The following TACR1 variants were observed in gnomAD, a reference collection of about 807,000 sequenced individuals.
TACR1 encodes the protein tachykinin receptor 1, also known as substance-P receptor.
In TACR1, 25 loss-of-function variants were observed where a neutral mutation model predicts 35.8. The ratio of observed to expected loss-of-function variants is 0.70; its 90% CI spans 0.51 to 0.98. The LOEUF (loss-of-function observed/expected upper bound fraction) is 0.98. Among genes scored for constraint, TACR1 ranks in the 50% least tolerant of loss-of-function variants. The pLI is 0.00. For missense variants in TACR1, 478 were observed against 522.9 expected (o/e 0.91, Z 0.84); for synonymous variants, 195 against 206.7 (o/e 0.94, Z 0.48).
rs1558554405 is a variant in TACR1 at position 75,105,127 on chromosome 2, A to G, written c.584+15447T>C. 2.6e-5 allele frequency among the ~76,000 whole-genome samples: 4 copies of G among 152,272 alleles called. No individual in the cohort carries two copies. The South Asian group carries it at 8.3e-4, about 32-fold the overall frequency. On this transcript the variant is annotated intron_variant, in intron 2 of 4. Coordinates refer to ENST00000305249, the MANE Select transcript of TACR1 (RefSeq NM_001058.4). ...ATTATTCACAATAACCAAGATATAG[A>G]ATCAACCTGTGTTCCTCAATGGATT...
chr2:75,061,172 G>A (rs1672665209), intron 2 of TACR1, among the ~76,000 whole-genome samples: 1 of 151,870 alleles, frequency 6.6e-6, no homozygotes, highest in Non-Finnish European at 1.5e-5. Context: ...CTTGCGGTTG[G>A]GGGCAATTCC....
intron 1 of TACR1, among the ~76,000 whole-genome samples, chr2:75,141,735 T>C (rs1271760194): frequency 3.3e-5 from 5 of 152,226 alleles, no homozygotes; most frequent in Non-Finnish European, 2.9e-5. Context: ...AAAGGACTTA[T>C]ATGTGCTCAA....
intron 2 of TACR1, among the ~76,000 whole-genome samples, chr2:75,101,994 T>C (rs532551285): frequency 9.9e-5 from 15 of 152,178 alleles, no homozygotes; most frequent in African/African-American, 3.6e-4. Context: ...AGACATGCCA[T>C]ATGGGTTGCT....
intron 1 of TACR1, among the ~76,000 whole-genome samples, chr2:75,136,654 C>T (rs1293801042): frequency 6.6e-6 from 1 of 152,172 alleles, no homozygotes; most frequent in Admixed American, 6.5e-5. Flanking sequence ...AGTCCCCTTA[C>T]TCTCATCAAA....
chr2:75,086,884 A>G (rs1182449583), intron 2 of TACR1, among the ~76,000 whole-genome samples: 1 of 152,144 alleles, frequency 6.6e-6, no homozygotes, highest in Non-Finnish European at 1.5e-5. Context: ...AGTCATTGTC[A>G]ATGTGACAAT....
At position 75,049,545 on chromosome 2, in the gene TACR1, C is replaced by T; in HGVS notation, c.1111G>A (p.Asp371Asn). Residue 371 changes from aspartate (D) to asparagine (N), a missense_variant, in exon 5 of 5, where the codon GAC (aspartate) becomes AAC (asparagine). Physicochemically the swap from Asp to Asn is conservative, Grantham distance 23. Transcript: ENST00000305249. ...GACGAGGGTGTGGCCTTGGGGCCGT[C>T]CTCTGGCTCCTCCTCGTGGGCCCCC... ...VVGAHEEEPE[D>N]GPKATPSSLD... 1.2e-6 allele frequency: 2 copies of T among 1,614,214 alleles called. No homozygotes were observed. The highest frequency in any genetic ancestry group is 1.7e-6 in the Non-Finnish European group (2 of 1,180,006).
intron 1 of TACR1, among the ~76,000 whole-genome samples, chr2:75,127,005 G>T (rs948930024): frequency 1.3e-5 from 2 of 152,192 alleles, no homozygotes; most frequent in Non-Finnish European, 2.9e-5. Flanking sequence ...TGCTGGTGAG[G>T]TTGTGGAGAA....
intron 2 of TACR1, among the ~76,000 whole-genome samples, chr2:75,090,363 C>T (rs1673284696): frequency 6.6e-6 from 1 of 152,178 alleles, no homozygotes. Flanking sequence ...TGGGGTCGAA[C>T]AGGCCTCATC....
At chr2:75,121,844 C>T (rs376336759) in intron 1 of TACR1, among the ~76,000 whole-genome samples, 3 of 152,286 alleles carry the variant, frequency 2.0e-5, no homozygotes, top group East Asian at 3.9e-4. Flanking sequence ...GTGTCTCTGA[C>T]GTCCATGCGA....
Position 75,196,695 on chromosome 2 carries a change from G to C in TACR1, c.389+1851C>G, listed in dbSNP as rs141670810. On this transcript the variant is annotated intron_variant, in intron 1 of 4. Coordinates refer to ENST00000305249, the MANE Select transcript of TACR1 (RefSeq NM_001058.4). ...TTCTAAGTTCCAGAGGAAAGATCAG[G>C]GCTGCAGAACATGTTTCTGTGTAAG... Among the ~76,000 whole-genome samples the C allele has an allele frequency of 3.9e-3, 592 of 152,256 alleles. 6 individuals carry two copies. The highest frequency in any genetic ancestry group is 0.014 in the African/African-American group (567 of 41,554).
intron 1 of TACR1, among the ~76,000 whole-genome samples, chr2:75,182,057 C>T (rs535383338): frequency 6.6e-5 from 10 of 152,350 alleles, no homozygotes; most frequent in African/African-American, 2.4e-4. Flanking sequence ...TTCTAACTTT[C>T]TGATCCACAA....
At chr2:75,184,031 G>A in intron 1 of TACR1, among the ~76,000 whole-genome samples, 1 of 152,108 alleles carries the variant, frequency 6.6e-6, no homozygotes, top group Non-Finnish European at 1.5e-5. Context: ...ACCTAAACTT[G>A]AAAAGACAGC....
rs539082009 is a variant in TACR1 at position 75,117,756 on chromosome 2, T to C, written c.584+2818A>G. The stretch of plus-strand genomic sequence containing the variant: ...TCAGAACACCTACATTAGCCTACAA[T>C]TGGGCAAAATCATATAACACAGATC... On this transcript the variant is annotated intron_variant, in intron 2 of 4. Transcript: ENST00000305249. Among the ~76,000 whole-genome samples, 432 of 152,336 alleles carry C rather than the reference T, an allele frequency of 2.8e-3. 2 individuals carry two copies. The highest frequency in any genetic ancestry group is 4.8e-3 in the Non-Finnish European group (325 of 68,020).
intron 2 of TACR1, among the ~76,000 whole-genome samples, chr2:75,109,266 C>T (rs1446184192): frequency 2.6e-5 from 4 of 152,054 alleles, no homozygotes; most frequent in Admixed American, 6.6e-5. Context: ...AGACATGAAC[C>T]GTAATGACTA....
In TACR1 at chr2:75,047,558, TC is replaced by T. The variant is rs1177378086; in HGVS notation, c.*1873del. The T allele has an allele frequency of 6.6e-6, 1 of 152,248 alleles. No homozygotes were observed. Among genetic ancestry groups the T allele is most frequent in the Non-Finnish European group, 1.5e-5 (1 of 68,058 alleles). 9.4% of individuals were successfully genotyped at this position (152,248 alleles called of 1,614,324 possible). A position where few individuals can be genotyped will look rare whatever the true frequency, so the allele number is the denominator to read the frequency against. On this transcript the variant is annotated 3_prime_UTR_variant, in exon 5 of 5. Coordinates refer to ENST00000305249, the MANE Select transcript of TACR1 (RefSeq NM_001058.4). ...AGGTACTTCTCATAATCATGTTAGC[TC>T]TTTACATTCTTCCAAAGTGAGTAAT...
chr2:75,112,602 T>C (rs1291675728), intron 2 of TACR1, among the ~76,000 whole-genome samples: 1 of 152,166 alleles, frequency 6.6e-6, no homozygotes, highest in African/African-American at 2.4e-5. Flanking sequence ...TATTTCTTAA[T>C]TATTCTAAGG....
At position 75,063,308 on chromosome 2, in the gene TACR1, G is replaced by C. The variant is rs577199835; in HGVS notation, c.585-9553C>G. 2.6e-5 allele frequency among the ~76,000 whole-genome samples: 4 copies of C among 152,272 alleles called. No individual in the cohort carries two copies. The East Asian group carries it at 7.7e-4, about 29-fold the overall frequency. On this transcript the variant is annotated intron_variant, in intron 2 of 4. Transcript: ENST00000305249. Reference sequence around the variant, plus strand: ...ATAATTTACTCAGTTGTATATTGGGGTGGTCATATTGTCTTTCCTAATTTG... The same window carrying C: ...ATAATTTACTCAGTTGTATATTGGGCTGGTCATATTGTCTTTCCTAATTTG...
At chr2:75,060,448 T>C (rs1672648510) in intron 2 of TACR1, among the ~76,000 whole-genome samples, 1 of 151,674 alleles carries the variant, frequency 6.6e-6, no homozygotes, top group Admixed American at 6.6e-5. Flanking sequence ...GGCAGGTGAG[T>C]TGGGCACTAT....
intron 1 of TACR1, among the ~76,000 whole-genome samples, chr2:75,186,524 AGT>A (rs1286379673): frequency 2.0e-5 from 3 of 151,798 alleles, no homozygotes; most frequent in African/African-American, 7.3e-5. Context: ...CTCTTTAATA[AGT>A]GTGTAATATT....
Sources: gnomAD v4.1 joint callset for allele counts (sites outside exome capture counted in the v4.1 genomes callset) on GRCh38, gnomAD v4.1.1 for gene constraint, MANE v1.5 for transcripts, NCBI Gene and HGNC (gene_info 2026-07-23, HGNC 2026-07-21) for gene names.